The following KPNA7 variants were observed in gnomAD, a reference collection of about 807,000 sequenced individuals.
The protein encoded by KPNA7 is importin subunit alpha-8.
In KPNA7, 54 loss-of-function variants were observed where a neutral mutation model predicts 53.7. The observed-to-expected ratio is 1.01, with a 90% CI of 0.81 to 1.26. The LOEUF is 1.26. Among genes scored for constraint, KPNA7 ranks in the 50% most tolerant of loss-of-function variants. The probability of loss-of-function intolerance (pLI) is 0.00; values close to 1 mark genes in which losing one functional copy is unlikely to be tolerated. For missense variants in KPNA7, 640 were observed against 644.5 expected, an observed-to-expected ratio of 0.99 and a Z score of 0.07; for synonymous variants, 276 against 259.3, an observed-to-expected ratio of 1.06 and a Z score of -0.62.
chr7:99,173,524 A>G (rs1798809565), downstream of KPNA7: 1 of 531,004 alleles, frequency 1.9e-6, no homozygotes, highest in Non-Finnish European at 3.4e-6. Flanking sequence ...TGAATTCCAC[A>G]TGGTTTTAAG....
chr7:99,155,498 A>AT, the KPNA7 span, among the ~76,000 whole-genome samples: 289 of 151,516 alleles, frequency 1.9e-3, no homozygotes, highest in Non-Finnish European at 2.7e-3. Flanking sequence ...TTTCTTACAC[A>AT]TTTTTTTTTC....
At chr7:99,173,436 ACC>A, downstream of KPNA7, 1 of 232,850 alleles carries the variant, frequency 4.3e-6, no homozygotes, top group Non-Finnish European at 8.3e-6. Context: ...CAGGTGATCC[ACC>A]CACCTTGGCC....
At chr7:99,150,981 C>T in the KPNA7 span, among the ~76,000 whole-genome samples, 1 of 152,178 alleles carries the variant, frequency 6.6e-6, no homozygotes, top group Admixed American at 6.6e-5. Context: ...GATTCCCCTA[C>T]TACCAAGAAA....
At chr7:99,213,115 C>T (rs1791118743), upstream of KPNA7, among the ~76,000 whole-genome samples, 1 of 149,232 alleles carries the variant, frequency 6.7e-6, no homozygotes, top group African/African-American at 2.5e-5. Context: ...ATTTAAGGAG[C>T]AATGGCCAAA....
In KPNA7 at chr7:99,188,506, G is replaced by T. The variant is rs1476178311; in HGVS notation, c.694C>A (p.Pro232Thr). 6.4e-7 allele frequency: 1 copy of T among 1,551,708 alleles called. No homozygotes were observed. The highest frequency in any genetic ancestry group is 2.4e-5 in the East Asian group (1 of 40,920). Residue 232 changes from proline (P) to threonine (T), a missense_variant, in exon 7 of 11, where the codon CCA becomes ACA. Pro to Thr is a conservative substitution (Grantham distance 38, BLOSUM62 -1). Transcript: ENST00000327442. ...TTCACCGCAGTGTCGCAAGGGTATGGGTTCTTGTTTCGGCACAGATTCGAC... is the reference window on the plus strand; with the variant it reads ...TTCACCGCAGTGTCGCAAGGGTATGTGTTCTTGTTTCGGCACAGATTCGAC... ...TLSNLCRNKN[P>T]YPCDTAVKQI...
At chr7:99,218,507 C>T (rs73157580) in intron 1 of KPNA7, among the ~76,000 whole-genome samples, 7,548 of 152,046 alleles carry the variant, frequency 0.05, 272 homozygotes, top group African/African-American at 0.1. Context: ...ATGGCAAGGC[C>T]GAGGACATGG....
the KPNA7 span, among the ~76,000 whole-genome samples, chr7:99,160,350 T>C: frequency 2.0e-5 from 3 of 152,072 alleles, no homozygotes; most frequent in South Asian, 6.2e-4. Context: ...GTATTTCTTA[T>C]AAATTGGTAG....
intron 7 of KPNA7, among the ~76,000 whole-genome samples, chr7:99,187,930 G>A (rs1043979436): frequency 3.3e-5 from 5 of 150,300 alleles, no homozygotes; most frequent in South Asian, 4.2e-4. Context: ...AATCCCAGTC[G>A]TTTGGGAGGC....
At chr7:99,194,535 G>A (rs1563080662) in intron 5 of KPNA7, among the ~76,000 whole-genome samples, 1 of 152,130 alleles carries the variant, frequency 6.6e-6, no homozygotes, top group African/African-American at 2.4e-5. Context: ...TCTCTAGTTA[G>A]CCTGTGGCTT....
chr7:99,175,485 CTTTA>C (rs113345297), intron 10 of KPNA7, among the ~76,000 whole-genome samples: 19,542 of 145,264 alleles, frequency 0.13, 1,669 homozygotes, highest in African/African-American at 0.24. Flanking sequence ...GGCTTGAGAG[CTTTA>C]TTTATTTATT....
chr7:99,165,472 C>G, the KPNA7 span, among the ~76,000 whole-genome samples: 2 of 152,150 alleles, frequency 1.3e-5, no homozygotes, highest in Admixed American at 6.6e-5. Flanking sequence ...TAGCTCTCAG[C>G]AGTGGACAGA....
chr7:99,162,707 A>G, the KPNA7 span, among the ~76,000 whole-genome samples: 9,290 of 152,262 alleles, frequency 0.061, 352 homozygotes, highest in Middle Eastern at 0.12. Context: ...CACTCGGACA[A>G]CAGTGACTAA....
chr7:99,190,311 T>TG (rs1164795433), intron 6 of KPNA7, among the ~76,000 whole-genome samples: 1 of 138,898 alleles, frequency 7.2e-6, no homozygotes, highest in African/African-American at 2.8e-5. Context: ...CACTCCAGCC[T>TG]GGTGACAGAG....
intron 7 of KPNA7, among the ~76,000 whole-genome samples, chr7:99,187,161 G>A (rs1475014172): frequency 2.0e-5 from 3 of 151,890 alleles, no homozygotes; most frequent in African/African-American, 7.3e-5. Flanking sequence ...ATGGTAGTGG[G>A]TGCCTGTGAT....
intron 9 of KPNA7, among the ~76,000 whole-genome samples, chr7:99,180,262 G>A (rs906912923): frequency 6.6e-6 from 1 of 152,264 alleles, no homozygotes; most frequent in East Asian, 1.9e-4. Context: ...AGCACTTTGG[G>A]AGGCTGAGGC....
At chr7:99,155,034 A>C in the KPNA7 span, among the ~76,000 whole-genome samples, 1 of 152,054 alleles carries the variant, frequency 6.6e-6, no homozygotes, top group East Asian at 1.9e-4. Context: ...GTTTATATAT[A>C]TGTGTATATT....
At position 99,196,162 on chromosome 7, in the gene KPNA7, C is replaced by A. The variant is rs1790222314; in HGVS notation, c.206G>T (p.Ser69Ile). ...SEKTAKGVAV[S>I]LTLGEIIKGV... ...TTTGATTATTTCACCCAGAGTGAGG[C>A]TGACCTGCAAGAAGAGACACATTCA... Residue 69 changes from serine (S) to isoleucine (I), a missense_variant, in exon 4 of 11, where the codon AGC (serine) becomes ATC (isoleucine). Physicochemically the swap from Ser to Ile is moderately radical, Grantham distance 142 (BLOSUM62 -2). Coordinates refer to ENST00000327442, the MANE Select transcript of KPNA7 (RefSeq NM_001145715.3). The A allele has an allele frequency of 6.4e-7, 1 of 1,551,480 alleles. No individual in the cohort carries two copies. Among genetic ancestry groups the A allele is most frequent in the Non-Finnish European group, 8.7e-7 (1 of 1,146,736 alleles).
chr7:99,151,105 T>A, the KPNA7 span, among the ~76,000 whole-genome samples: 1 of 152,172 alleles, frequency 6.6e-6, no homozygotes, highest in African/African-American at 2.4e-5. Context: ...TAATTATTAG[T>A]TACTATTCCT....
At chr7:99,155,680 C>A in the KPNA7 span, among the ~76,000 whole-genome samples, 2 of 152,008 alleles carry the variant, frequency 1.3e-5, no homozygotes, top group Admixed American at 1.3e-4. Context: ...CCCACCTCAG[C>A]CTCCTGAGTA....
Sources: allele counts gnomAD v4.1 joint callset (sites outside exome capture counted in the v4.1 genomes callset), GRCh38; gene constraint gnomAD v4.1.1; transcripts MANE v1.5; gene names NCBI Gene and HGNC (gene_info 2026-07-23, HGNC 2026-07-21).